CUX1: variants seen among roughly 807,000 people sequenced by gnomAD.
CUX1 encodes the protein protein CASP.
CUX1 carries 31 observed loss-of-function variants against 158.8 expected under a neutral mutation model. That is an observed-to-expected ratio of 0.20 (90% CI 0.15 to 0.26). CUX1 has a LOEUF of 0.26. Among genes scored for constraint, CUX1 ranks in the 10% least tolerant of loss-of-function variants. The pLI is 1.00. For missense variants in CUX1, 1,589 were observed against 2,014.6 expected, an observed-to-expected ratio of 0.79 and a Z score of 4.04; for synonymous variants, 879 against 862.1, an observed-to-expected ratio of 1.02 and a Z score of -0.34.
intron 23 of CUX1, among the ~76,000 whole-genome samples, chr7:102,241,819 G>T (rs1050195101): frequency 7.2e-5 from 11 of 152,178 alleles, no homozygotes; most frequent in Non-Finnish European, 1.6e-4. Flanking sequence ...CAAAATCCAG[G>T]ATTAGCCAGG....
intron 1 of CUX1, among the ~76,000 whole-genome samples, chr7:101,871,580 C>T (rs958402601): frequency 5.9e-5 from 9 of 152,002 alleles, no homozygotes; most frequent in Non-Finnish European, 1.0e-4. Flanking sequence ...GTCATATATT[C>T]CATGGGAGTG....
chr7:101,925,003 C>G (rs1805420625), intron 2 of CUX1, among the ~76,000 whole-genome samples: 1 of 152,190 alleles, frequency 6.6e-6, no homozygotes. Context: ...TCATTAGACC[C>G]TAAAACCACT....
chr7:102,130,882 C>A (rs1039388362), intron 8 of CUX1, among the ~76,000 whole-genome samples: 1 of 151,996 alleles, frequency 6.6e-6, no homozygotes, highest in Non-Finnish European at 1.5e-5. Context: ...GGAGTGGTGG[C>A]TCACGCCTGT....
At chr7:102,212,325 C>T (rs1796616209) in intron 20 of CUX1, among the ~76,000 whole-genome samples, 1 of 152,052 alleles carries the variant, frequency 6.6e-6, no homozygotes, top group South Asian at 2.1e-4. Context: ...GCAAGGCAGC[C>T]TACGCAGGCT....
chr7:102,187,168 C>T (rs1403195182), intron 11 of CUX1: 4 of 152,112 alleles, frequency 2.6e-5, no homozygotes, highest in African/African-American at 7.2e-5. Flanking sequence ...GACCTGCAGC[C>T]GTGCCCCTAG....
At chr7:102,132,800 T>G (rs1335029203) in intron 8 of CUX1, among the ~76,000 whole-genome samples, 2 of 149,660 alleles carry the variant, frequency 1.3e-5, no homozygotes, top group African/African-American at 4.9e-5. Context: ...GCTTCCTGAG[T>G]AGCTGGGATT....
At chr7:101,984,089 A>AATATAT (rs1195893037) in intron 2 of CUX1, among the ~76,000 whole-genome samples, 18 of 29,700 alleles carry the variant, frequency 6.1e-4, no homozygotes, top group Non-Finnish European at 9.8e-4. Flanking sequence ...AAAAAAAAAA[A>AATATAT]ATATATATAT....
Position 102,204,307 on chromosome 7 carries a change from G to T in CUX1, c.2908-84G>T, listed in dbSNP as rs550361913. The T allele has an allele frequency of 3.9e-6, 6 of 1,548,288 alleles. No homozygotes were observed. In the African/African-American group the frequency reaches 6.8e-5, roughly 17 times the overall value. ...AGTCAGCCCTAGACGCGCCCTCTGCGTGGTGGGTGTGCATTGCAGCAGCAT... is the reference window on the plus strand; with the variant it reads ...AGTCAGCCCTAGACGCGCCCTCTGCTTGGTGGGTGTGCATTGCAGCAGCAT... On this transcript the variant is annotated intron_variant, in intron 18 of 23. Coordinates refer to ENST00000292535, the MANE Select transcript of CUX1 (RefSeq NM_181552.4).
intron 9 of CUX1, among the ~76,000 whole-genome samples, chr7:102,159,250 C>T (rs1019032921): frequency 6.6e-6 from 1 of 152,054 alleles, no homozygotes; most frequent in Non-Finnish European, 1.5e-5. Flanking sequence ...CATCTCACCA[C>T]GGTGTTATCC....
At chr7:102,033,079 T>C (rs1337096816) in intron 3 of CUX1, among the ~76,000 whole-genome samples, 1 of 152,080 alleles carries the variant, frequency 6.6e-6, no homozygotes. Flanking sequence ...GGGAGGAAAA[T>C]CCTCTTAAGA....
intron 4 of CUX1, among the ~76,000 whole-genome samples, chr7:102,076,362 G>T (rs535457668): frequency 1.3e-4 from 19 of 151,948 alleles, no homozygotes; most frequent in African/African-American, 4.3e-4. Flanking sequence ...TCCAGCCTGG[G>T]TGACAGAGCA....
At chr7:101,989,356 G>A (rs1228451095) in intron 2 of CUX1, among the ~76,000 whole-genome samples, 3 of 152,218 alleles carry the variant, frequency 2.0e-5, no homozygotes, top group Non-Finnish European at 2.9e-5. Context: ...ACCGTGTGCC[G>A]AGGCTCGGCG....
At chr7:101,929,277 T>C (rs896594868) in intron 2 of CUX1, among the ~76,000 whole-genome samples, 2 of 152,216 alleles carry the variant, frequency 1.3e-5, no homozygotes, top group Admixed American at 6.5e-5. Context: ...ACAGATACAG[T>C]AAAATTAAAA....
chr7:101,987,872 G>A (rs1429652303), intron 2 of CUX1, among the ~76,000 whole-genome samples: 7 of 152,190 alleles, frequency 4.6e-5, no homozygotes. Flanking sequence ...ACGAACTCTT[G>A]ACAAAAACAG....
intron 2 of CUX1, among the ~76,000 whole-genome samples, chr7:102,004,274 C>T (rs1429327469): frequency 6.6e-6 from 1 of 152,194 alleles, no homozygotes; most frequent in African/African-American, 2.4e-5. Context: ...ATTGGGGCAG[C>T]TGTTCCTCCT....
intron 1 of CUX1, among the ~76,000 whole-genome samples, chr7:101,900,599 C>T (rs1170221196): frequency 6.6e-6 from 1 of 152,130 alleles, no homozygotes; most frequent in Non-Finnish European, 1.5e-5. Context: ...TGGTTTTTTC[C>T]CAGGAGCCAG....
intron 8 of CUX1, 36 bp downstream of exon 8, chr7:102,115,309 C>A (rs782539860): frequency 1.3e-6 from 2 of 1,576,148 alleles, no homozygotes; most frequent in Non-Finnish European, 1.7e-6. Context: ...TATCCGTACA[C>A]ATTTCTCACC....
At chr7:102,063,489 C>T (rs1307879908) in intron 3 of CUX1, among the ~76,000 whole-genome samples, 4 of 145,986 alleles carry the variant, frequency 2.7e-5, no homozygotes, top group Admixed American at 7.1e-5. Context: ...CCCGAGTTCA[C>T]GCCATTCTCC....
At chr7:102,029,012 C>T (rs1194203764) in intron 3 of CUX1, among the ~76,000 whole-genome samples, 19 of 69,868 alleles carry the variant, frequency 2.7e-4, no homozygotes, top group Non-Finnish European at 3.1e-4. Context: ...TTTTTTTTGG[C>T]GACAGAGTCT....
Sources: gnomAD v4.1 joint callset for allele counts (sites outside exome capture counted in the v4.1 genomes callset) on GRCh38, gnomAD v4.1.1 for gene constraint, MANE v1.5 for transcripts, NCBI Gene and HGNC (gene_info 2026-07-23, HGNC 2026-07-21) for gene names.